The following SARS2 variants were observed in gnomAD, a reference collection of about 807,000 sequenced individuals.
SARS2 encodes the protein seryl-tRNA synthetase 2, mitochondrial, also known as serine--tRNA ligase, mitochondrial.
SARS2 carries 52 observed loss-of-function variants against 66.8 expected under a neutral mutation model. The ratio of observed to expected loss-of-function variants is 0.78; its 90% CI spans 0.62 to 0.98. SARS2 has a LOEUF of 0.98. Ranked by LOEUF, SARS2 falls within the 50% of genes least tolerant of loss-of-function variation. The pLI is 0.00. For synonymous variants in SARS2, 306 were observed against 281.4 expected (o/e 1.09, Z -0.87); for missense variants, 673 against 706.3 (o/e 0.95, Z 0.53).
chr19:38,926,369 G>A, intron 1 of SARS2, 69 bp from the exon 2 acceptor site: 1 of 1,462,314 alleles, frequency 6.8e-7, no homozygotes, highest in South Asian at 1.2e-5. Context: ...GGAGCCCACT[G>A]GCCACCTGGA....
Position 38,921,565 on chromosome 19 carries a change from G to C in SARS2, c.496C>G (p.Gln166Glu). The change falls in exon 4 of 16, where the codon CAG becomes GAG. Residue 166 changes from glutamine (Q) to glutamate (E), a missense_variant. Gln to Glu is a conservative substitution (Grantham distance 29). Coordinates refer to ENST00000221431, the MANE Select transcript of SARS2 (RefSeq NM_017827.4). ...EAQLEEQFYL[Q>E]ALKLPNQTHP... is the part of the protein sequence containing the mutation. ...GTCTGGTTGGGCAGCTTCAGCGCCT[G>C]CAGGTAGAACTGCTCCTCAAGCTGG... is the stretch of plus-strand genomic sequence containing the variant. 6.2e-7 allele frequency: 1 copy of C among 1,614,212 alleles called. No individual in the cohort carries two copies. Among genetic ancestry groups the C allele is most frequent in the South Asian group, 1.1e-5 (1 of 91,086 alleles).
rs771376102 is a variant in SARS2, at chr19:38,930,483, T to C, written c.254A>G (p.Asp85Gly). The C allele has an allele frequency of 2.5e-6, 4 of 1,598,874 alleles. No individual in the cohort carries two copies. The highest frequency in any genetic ancestry group is 2.6e-6 in the Non-Finnish European group (3 of 1,170,778). ...AGGCGCACTCACGATCGCGGGCAGG[T>C]CCGCCGAGCGCAGCTCCCCCTTGCG... ...ELRKGELRSA[D>G]LPAIISTWQE... The change falls in exon 1 of 16, where the codon GAC (aspartate) becomes GGC (glycine). Residue 85 changes from aspartate to glycine, a missense_variant. Asp to Gly is a moderately conservative substitution (Grantham distance 94). Coordinates refer to ENST00000221431, the MANE Select transcript of SARS2 (RefSeq NM_017827.4).
chr19:38,915,996 G>A, intron 14 of SARS2, 41 bp downstream of exon 14: 10 of 1,612,350 alleles, frequency 6.2e-6, no homozygotes, highest in Non-Finnish European at 8.5e-6. Context: ...GGCAGAGGCT[G>A]CGGGCGAGGG....
intron 8 of SARS2, 91 bp from the exon 9 acceptor site, chr19:38,918,621 C>T (rs1974463690): frequency 1.4e-6 from 2 of 1,389,930 alleles, no homozygotes; most frequent in African/African-American, 1.4e-5. Flanking sequence ...CCCCTGAAAA[C>T]ATCTGGAGCT....
intron 1 of SARS2, 96 bp from the exon 2 acceptor site, chr19:38,926,396 G>A (rs1198815463): frequency 1.8e-6 from 2 of 1,123,542 alleles, no homozygotes; most frequent in Non-Finnish European, 2.6e-6. Context: ...GCGCAGTGAG[G>A]CAGAGATCCC....
Sources: allele counts gnomAD v4.1 joint callset, GRCh38; gene constraint gnomAD v4.1.1; transcripts MANE v1.5; gene names NCBI Gene and HGNC (gene_info 2026-07-23, HGNC 2026-07-21).